RASL11A: variants seen among roughly 807,000 people sequenced by gnomAD.
RASL11A encodes RAS like family 11 member A, also known as ras-like protein family member 11A.
Under a neutral mutation model 17.1 loss-of-function variants are expected in RASL11A, and 14 were observed. The ratio of observed to expected loss-of-function variants is 0.82; its 90% CI spans 0.54 to 1.28. The LOEUF (loss-of-function observed/expected upper bound fraction) is 1.28. RASL11A is among the 50% of genes most tolerant of loss of function. The probability of loss-of-function intolerance (pLI) is 0.00; values close to 1 mark genes in which losing one functional copy is unlikely to be tolerated. For missense variants in RASL11A, 283 were observed against 312.3 expected (o/e 0.91, Z 0.71); for synonymous variants, 146 against 132.5 (o/e 1.10, Z -0.70).
Position 27,273,108 on chromosome 13 carries a change from A to C in RASL11A, c.343A>C (p.Ile115Leu). 1 of 1,614,118 alleles carries C rather than the reference A, an allele frequency of 6.2e-7. No homozygotes were observed. Among genetic ancestry groups the C allele is most frequent in the Non-Finnish European group, 8.5e-7 (1 of 1,180,018 alleles). The change falls in exon 4 of 4, where the codon ATC becomes CTC. Residue 115 changes from isoleucine to leucine, a missense_variant. Physicochemically the swap from Ile to Leu is conservative, Grantham distance 5. Coordinates refer to ENST00000241463, the MANE Select transcript of RASL11A (RefSeq NM_206827.2). ...WAEGFLLVYSITDYDSYLSIR... is the reference protein window; with the variant it reads ...WAEGFLLVYSLTDYDSYLSIR... The stretch of plus-strand genomic sequence containing the variant: ...CGAGGGTTTTCTGCTGGTCTATTCC[A>C]TCACAGACTATGACAGCTACTTGTC...
At chr13:27,272,876 A>T in intron 3 of RASL11A, 151 bp from the exon 4 acceptor site, 2 of 644,096 alleles carry the variant, frequency 3.1e-6, no homozygotes, top group Non-Finnish European at 5.4e-6. Context: ...CCATATCAAA[A>T]GCCTGCTTCT....
chr13:27,273,557 C>T lies in RASL11A; in HGVS notation c.*63C>T, dbSNP rs952090092. 5 of 1,286,700 alleles carry T rather than the reference C, an allele frequency of 3.9e-6. No homozygotes were observed. Among genetic ancestry groups the T allele is most frequent in the Non-Finnish European group, 5.4e-6 (5 of 923,840 alleles). The allele number at this position is 1,286,700 out of a possible 1,614,324, so 79.7% of individuals were successfully genotyped here. A position where few individuals can be genotyped will look rare whatever the true frequency, so the allele number is the denominator to read the frequency against. On this transcript the variant is annotated 3_prime_UTR_variant, in exon 4 of 4. Transcript: ENST00000241463. ...TTTGTGCAGCTAAAAGACTGGGCTT[C>T]TCGCTTTTTAATCACACATTCAGAG...
chr13:27,272,374 C>A (rs1414549581), intron 3 of RASL11A, among the ~76,000 whole-genome samples: 1 of 152,182 alleles, frequency 6.6e-6, no homozygotes, highest in Non-Finnish European at 1.5e-5. Flanking sequence ...CTCAAGTGAT[C>A]CGCCCACCTC....
At chr13:27,272,885 C>T in intron 3 of RASL11A, 142 bp from the exon 4 acceptor site, 1 of 674,882 alleles carries the variant, frequency 1.5e-6, no homozygotes, top group East Asian at 2.7e-5. Context: ...AAGCCTGCTT[C>T]TGCAGAAGCT....
chr13:27,271,289 C>G (rs928462315), intron 1 of RASL11A, 195 bp from the exon 2 acceptor site: 1 of 1,449,442 alleles, frequency 6.9e-7, no homozygotes, highest in Non-Finnish European at 9.0e-7. Flanking sequence ...GGCGCCTGTT[C>G]GGGGATGGGG....
intron 3 of RASL11A, among the ~76,000 whole-genome samples, chr13:27,272,352 C>T (rs528843556): frequency 1.3e-5 from 2 of 152,240 alleles, no homozygotes; most frequent in South Asian, 4.1e-4. Context: ...AGGCTGGTCT[C>T]GAACTCCTGA....
In RASL11A at chr13:27,273,429, G is replaced by A; in HGVS notation, c.664G>A (p.Asp222Asn). The change falls in exon 4 of 4, where the codon GAC becomes AAC. Residue 222 changes from aspartate to asparagine, a missense_variant. By Grantham distance (23) the Asp-to-Asn change is conservative (BLOSUM62 1). Transcript: ENST00000241463. ...IPRPRSPNMQ[D>N]LKRRFKQALS... is the part of the protein sequence containing the mutation. The stretch of plus-strand genomic sequence containing the variant: ...TCGGCCCCGCTCTCCCAACATGCAG[G>A]ACCTGAAGAGACGCTTCAAGCAGGC... 1.2e-6 allele frequency: 2 copies of A among 1,614,138 alleles called. No individual in the cohort carries two copies. Among genetic ancestry groups the A allele is most frequent in the Admixed American group, 1.7e-5 (1 of 60,008 alleles).
rs1882407602 is a variant in RASL11A, at chr13:27,274,287, C to T, written c.*793C>T. 2.0e-5 allele frequency among the ~76,000 whole-genome samples: 3 copies of T among 152,184 alleles called. No individual in the cohort carries two copies. In the South Asian group the frequency reaches 6.2e-4, roughly 32 times the overall value. The stretch of plus-strand genomic sequence containing the variant: ...GGCAGGCAAGAATCTAGGCAAGACT[C>T]ATGTTTCTTGCCTTCTAGAATGACA... On this transcript the variant is annotated 3_prime_UTR_variant, in exon 4 of 4. Coordinates refer to ENST00000241463, the MANE Select transcript of RASL11A (RefSeq NM_206827.2).
chr13:27,272,924 A>G, intron 3 of RASL11A, 103 bp from the exon 4 acceptor site: 1 of 894,158 alleles, frequency 1.1e-6, no homozygotes, highest in South Asian at 1.7e-5. Context: ...GTATTTAGAG[A>G]TTTCTTTTTC....
Position 27,270,842 on chromosome 13 carries a change from C to G in RASL11A, c.-103C>G, listed in dbSNP as rs964424884. ...TTGACAGTTCTGCAGGCAGCCGCCG[C>G]GGTCCCGGACCTCTAGTCCCGCACT... On this transcript the variant is annotated 5_prime_UTR_variant, in exon 1 of 4. Transcript: ENST00000241463. 13 of 1,446,666 alleles carry G rather than the reference C, an allele frequency of 9.0e-6. No homozygotes were observed. Among genetic ancestry groups the G allele is most frequent in the Non-Finnish European group, 9.3e-6 (10 of 1,078,852 alleles). The allele number at this position is 1,446,666 out of a possible 1,614,324, so 89.6% of individuals were successfully genotyped here. A position where few individuals can be genotyped will look rare whatever the true frequency, so the allele number is the denominator to read the frequency against.
At position 27,271,010 on chromosome 13, in the gene RASL11A, C is replaced by T; in HGVS notation, c.66C>T (p.Tyr22=). 2 of 1,593,156 alleles carry T rather than the reference C, an allele frequency of 1.3e-6. No individual in the cohort carries two copies. Among genetic ancestry groups the T allele is most frequent in the East Asian group, 2.3e-5 (1 of 43,754 alleles). ...CCATCCCCGAGTCCTCCTCGGACTACCTACTGCCCAAGGACATCAAACTGG... is the reference window on the plus strand; with the variant it reads ...CCATCCCCGAGTCCTCCTCGGACTATCTACTGCCCAAGGACATCAAACTGG... The part of the protein sequence containing the change: ...LAPIPESSSD[Y]LLPKDIKLAV... Residue 22 remains tyrosine (Y), a synonymous_variant, in exon 1 of 4, where the codon TAC becomes TAT. Transcript: ENST00000241463.
chr13:27,273,298 C>T lies in RASL11A; in HGVS notation c.533C>T (p.Thr178Ile), dbSNP rs768863856. 13 of 1,614,232 alleles carry T rather than the reference C, an allele frequency of 8.1e-6. No individual in the cohort carries two copies. The highest frequency in any genetic ancestry group is 9.3e-6 in the Non-Finnish European group (11 of 1,180,044). ...ELGSLFLEIS[T>I]SENYEDVCDV... ...GGCAGCCTGTTCCTTGAAATTTCCACTAGCGAAAACTACGAAGATGTCTGT... is the reference window on the plus strand; with the variant it reads ...GGCAGCCTGTTCCTTGAAATTTCCATTAGCGAAAACTACGAAGATGTCTGT... The change falls in exon 4 of 4, where the codon ACT becomes ATT. Residue 178 changes from threonine to isoleucine, a missense_variant. Transcript: ENST00000241463.
At chr13:27,272,497 C>T (rs1047711578) in intron 3 of RASL11A, among the ~76,000 whole-genome samples, 1 of 152,186 alleles carries the variant, frequency 6.6e-6, no homozygotes, top group Non-Finnish European at 1.5e-5. Flanking sequence ...AATCAGATAA[C>T]CCCTTGGCAG....
rs962282325 is a variant in RASL11A at position 27,275,006 on chromosome 13, C to A, written c.*1512C>A. The stretch of plus-strand genomic sequence containing the variant: ...AGGGACTGACATATGCAGCTTCTGG[C>A]AATCACAGACCATTACCCTTCCAAA... On this transcript the variant is annotated 3_prime_UTR_variant, in exon 4 of 4. Coordinates refer to ENST00000241463, the MANE Select transcript of RASL11A (RefSeq NM_206827.2). Among the ~76,000 whole-genome samples, 1 of 152,160 alleles carries A rather than the reference C, an allele frequency of 6.6e-6. No homozygotes were observed. Among genetic ancestry groups the A allele is most frequent in the East Asian group, 1.9e-4 (1 of 5,192 alleles).
intron 1 of RASL11A, 82 bp from the exon 2 acceptor site, chr13:27,271,402 C>A (rs1593267857): frequency 1.9e-6 from 3 of 1,578,440 alleles, no homozygotes; most frequent in Non-Finnish European, 2.6e-6. Flanking sequence ...CTGCACCCTT[C>A]ACTCCCCCCA....
Position 27,270,922 on chromosome 13 carries a change from C to T in RASL11A, c.-23C>T. On this transcript the variant is annotated 5_prime_UTR_variant, in exon 1 of 4. Coordinates refer to ENST00000241463, the MANE Select transcript of RASL11A (RefSeq NM_206827.2). ...CGAGGCCCAGCCCTCTCGGATTGCG[C>T]GCCGGACCCCGGGACGCGCTCCATG... 2 of 1,572,134 alleles carry T rather than the reference C, an allele frequency of 1.3e-6. No homozygotes were observed. The highest frequency in any genetic ancestry group is 1.2e-5 in the South Asian group (1 of 85,426).
Position 27,273,424 on chromosome 13 carries a change from T to C in RASL11A, c.659T>C (p.Met220Thr), listed in dbSNP as rs757063622. 6 of 1,614,016 alleles carry C rather than the reference T, an allele frequency of 3.7e-6. No homozygotes were observed. Among genetic ancestry groups the C allele is most frequent in the Admixed American group, 1.7e-5 (1 of 59,982 alleles). Residue 220 changes from methionine (M) to threonine (T), a missense_variant, in exon 4 of 4, where the codon ATG (methionine) becomes ACG (threonine). Coordinates refer to ENST00000241463, the MANE Select transcript of RASL11A (RefSeq NM_206827.2). ...ATCCCTCGGCCCCGCTCTCCCAACA[T>C]GCAGGACCTGAAGAGACGCTTCAAG... is the stretch of plus-strand genomic sequence containing the variant. ...SIIPRPRSPN[M>T]QDLKRRFKQA...
intron 1 of RASL11A, 44 bp downstream of exon 1, chr13:27,271,112 C>G: frequency 2.0e-6 from 3 of 1,534,112 alleles, no homozygotes; most frequent in Non-Finnish European, 2.6e-6. Flanking sequence ...TCCCCGGCTC[C>G]GGCCGCGACC....
chr13:27,273,350 A>C lies in RASL11A; in HGVS notation c.585A>C (p.Glu195Asp). ...VCDVFQHLCKEVSKMHGLSGE... is the reference protein window; with the variant it reads ...VCDVFQHLCKDVSKMHGLSGE... ...ATGTGTTTCAGCATCTCTGCAAAGA[A>C]GTGAGCAAGATGCACGGCCTCAGTG... Residue 195 changes from glutamate (E) to aspartate (D), a missense_variant, in exon 4 of 4, where the codon GAA (glutamate) becomes GAC (aspartate). Physicochemically the swap from Glu to Asp is conservative, Grantham distance 45. Transcript: ENST00000241463. 6.2e-7 allele frequency: 1 copy of C among 1,614,246 alleles called. No homozygotes were observed. Among genetic ancestry groups the C allele is most frequent in the Non-Finnish European group, 8.5e-7 (1 of 1,180,046 alleles).
Sources: gnomAD v4.1 joint callset for allele counts (sites outside exome capture counted in the v4.1 genomes callset) on GRCh38, gnomAD v4.1.1 for gene constraint, MANE v1.5 for transcripts, NCBI Gene and HGNC (gene_info 2026-07-23, HGNC 2026-07-21) for gene names.